DLGAP2: variants seen among roughly 807,000 people sequenced by gnomAD.
DLGAP2 encodes disks large-associated protein 2.
DLGAP2 carries 26 observed loss-of-function variants against 100.3 expected under a neutral mutation model. That is an observed-to-expected ratio of 0.26 (90% confidence interval 0.19 to 0.36). The LOEUF (loss-of-function observed/expected upper bound fraction) is 0.36. Ranked by LOEUF, DLGAP2 falls within the 10% of genes least tolerant of loss-of-function variation. The pLI is 1.00. For missense variants in DLGAP2, 1,858 were observed against 1,453.2 expected (o/e 1.28, Z -4.53); for synonymous variants, 886 against 630.1 (o/e 1.41, Z -6.08).
intron 3 of DLGAP2, among the ~76,000 whole-genome samples, chr8:1,417,506 G>C (rs1202725967): frequency 6.6e-6 from 1 of 152,206 alleles, no homozygotes; most frequent in Non-Finnish European, 1.5e-5. Flanking sequence ...GGCTCACCAG[G>C]GCAGGCATAG....
At chr8:1,580,540 G>T (rs1803191655) in intron 6 of DLGAP2, among the ~76,000 whole-genome samples, 1 of 152,198 alleles carries the variant, frequency 6.6e-6, no homozygotes, top group Non-Finnish European at 1.5e-5. Context: ...AAAGACGAAA[G>T]CAGAGCAGAA....
At chr8:1,493,984 G>A (rs773215444) in intron 3 of DLGAP2, among the ~76,000 whole-genome samples, 73 of 152,236 alleles carry the variant, frequency 4.8e-4, no homozygotes, top group Non-Finnish European at 8.7e-4. Context: ...TCCTGACCAC[G>A]GAGGGGCTGG....
At chr8:753,032 G>C (rs191956021) in intron 1 of DLGAP2, among the ~76,000 whole-genome samples, 1 of 152,336 alleles carries the variant, frequency 6.6e-6, no homozygotes, top group East Asian at 1.9e-4. Flanking sequence ...ACAGATTACA[G>C]CTCTGTCTTT....
intron 2 of DLGAP2, among the ~76,000 whole-genome samples, chr8:1,242,789 C>T (rs1333106813): frequency 6.6e-6 from 1 of 151,954 alleles, no homozygotes; most frequent in Non-Finnish European, 1.5e-5. Context: ...GATAGACGGA[C>T]AGATAGATGG....
chr8:1,197,027 T>C (rs77664597), intron 2 of DLGAP2, among the ~76,000 whole-genome samples: 5,987 of 152,230 alleles, frequency 0.039, 283 homozygotes, highest in African/African-American at 0.11. Flanking sequence ...GGGCAATGTC[T>C]GTGGTCAGGA....
chr8:1,476,607 A>C (rs1202028700), intron 3 of DLGAP2, among the ~76,000 whole-genome samples: 1 of 152,156 alleles, frequency 6.6e-6, no homozygotes, highest in East Asian at 1.9e-4. Flanking sequence ...GACATTCCTC[A>C]GAAGCCAGTC....
chr8:1,161,619 G>A (rs62487489), intron 2 of DLGAP2, among the ~76,000 whole-genome samples: 24,010 of 152,098 alleles, frequency 0.16, 2,304 homozygotes, highest in African/African-American at 0.26. Context: ...ACTCGGCCCT[G>A]GAGTCATGCA....
At chr8:988,494 A>G (rs944758156) in intron 2 of DLGAP2, among the ~76,000 whole-genome samples, 6 of 152,182 alleles carry the variant, frequency 3.9e-5, no homozygotes, top group South Asian at 2.1e-4. Context: ...TTTAATTTGC[A>G]GTTTGTTTGG....
At chr8:1,410,324 G>A (rs377181337) in intron 3 of DLGAP2, among the ~76,000 whole-genome samples, 7 of 152,322 alleles carry the variant, frequency 4.6e-5, no homozygotes, top group South Asian at 2.1e-4. Flanking sequence ...GGCTTCACGC[G>A]TGCGGCACCG....
intron 5 of DLGAP2, among the ~76,000 whole-genome samples, chr8:1,552,638 G>C (rs117881459): frequency 3.3e-5 from 5 of 152,190 alleles, no homozygotes; most frequent in Non-Finnish European, 7.3e-5. Context: ...CCAGGAAACA[G>C]GGAAACTAAA....
At chr8:1,527,062 C>T (rs1350001507) in intron 4 of DLGAP2, among the ~76,000 whole-genome samples, 2 of 151,916 alleles carry the variant, frequency 1.3e-5, no homozygotes, top group Non-Finnish European at 2.9e-5. Flanking sequence ...CCCTCTCCTG[C>T]GAGCAGCGGG....
chr8:1,003,964 C>G (rs1277598831), intron 2 of DLGAP2, among the ~76,000 whole-genome samples: 1 of 152,176 alleles, frequency 6.6e-6, no homozygotes, highest in Non-Finnish European at 1.5e-5. Flanking sequence ...TAAATTATTC[C>G]AGTGCCAGGA....
chr8:1,470,104 A>G (rs1402760807), intron 3 of DLGAP2, among the ~76,000 whole-genome samples: 1 of 152,124 alleles, frequency 6.6e-6, no homozygotes, highest in Non-Finnish European at 1.5e-5. Flanking sequence ...CAAGGCTGCA[A>G]TGAGCTGTGA....
chr8:813,297 G>T (rs973231932), intron 1 of DLGAP2, among the ~76,000 whole-genome samples: 1 of 151,796 alleles, frequency 6.6e-6, no homozygotes, highest in Non-Finnish European at 1.5e-5. Flanking sequence ...GACATTTTGG[G>T]ATTGTTAGTT....
At chr8:1,158,873 C>T (rs1368803388) in intron 2 of DLGAP2, among the ~76,000 whole-genome samples, 1 of 152,196 alleles carries the variant, frequency 6.6e-6, no homozygotes, top group Non-Finnish European at 1.5e-5. Context: ...TCCTATTTTC[C>T]AAAGGACATG....
At chr8:1,295,269 A>G (rs1563066551) in intron 3 of DLGAP2, among the ~76,000 whole-genome samples, 1 of 152,160 alleles carries the variant, frequency 6.6e-6, no homozygotes, top group Non-Finnish European at 1.5e-5. Flanking sequence ...CTTTCTTTCC[A>G]TGGGATAGAT....
chr8:1,471,337 CTTTCCCGACCCCTCCAGCT>C (rs1798784215), intron 3 of DLGAP2, among the ~76,000 whole-genome samples: 5 of 32,494 alleles, frequency 1.5e-4, no homozygotes, highest in Non-Finnish European at 2.2e-4. Context: ...CCCCTCCAGC[CTTTCCCGACCCCTCCAGCT>C]TTTCCCGACC....
chr8:1,307,363 A>T (rs964730569), intron 3 of DLGAP2, among the ~76,000 whole-genome samples: 4 of 152,228 alleles, frequency 2.6e-5, no homozygotes, highest in African/African-American at 9.6e-5. Flanking sequence ...CAATGAAAAG[A>T]AAAGAACAGG....
intron 2 of DLGAP2, among the ~76,000 whole-genome samples, chr8:1,253,675 G>C (rs770604798): frequency 6.6e-6 from 1 of 152,144 alleles, no homozygotes; most frequent in Non-Finnish European, 1.5e-5. Context: ...TCAGGTTCAC[G>C]TACACAAAAC....
Sources: gnomAD v4.1 joint callset for allele counts (sites outside exome capture counted in the v4.1 genomes callset) on GRCh38, gnomAD v4.1.1 for gene constraint, MANE v1.5 for transcripts, NCBI Gene and HGNC (gene_info 2026-07-23, HGNC 2026-07-21) for gene names.